NRXN1: variants seen among roughly 807,000 people sequenced by gnomAD.
NRXN1 encodes the protein neurexin 1, also known as neurexin-1.
A neutral mutation model predicts 150.9 loss-of-function variants in NRXN1; 39 were observed. That is an observed-to-expected ratio of 0.26 (90% CI 0.20 to 0.34). The LOEUF is 0.34. Among genes scored for constraint, NRXN1 ranks in the 10% least tolerant of loss-of-function variants. NRXN1 has a pLI of 1.00. For synonymous variants in NRXN1, 924 were observed against 757.0 expected, an observed-to-expected ratio of 1.22 and a Z score of -3.62; for missense variants, 1,815 against 1,949.9, an observed-to-expected ratio of 0.93 and a Z score of 1.30.
intron 5 of NRXN1, among the ~76,000 whole-genome samples, chr2:50,664,133 A>G (rs1420509971): frequency 6.6e-6 from 1 of 152,006 alleles, no homozygotes; most frequent in African/African-American, 2.4e-5. Flanking sequence ...AATTAAACAA[A>G]CCAATTATTT....
At chr2:50,798,067 CAGG>C (rs1202751850) in intron 5 of NRXN1, among the ~76,000 whole-genome samples, 1 of 151,900 alleles carries the variant, frequency 6.6e-6, no homozygotes, top group African/African-American at 2.4e-5. Context: ...GAATATTTAC[CAGG>C]AGAAGGAAAG....
At chr2:50,044,376 C>A (rs904028734) in intron 21 of NRXN1, among the ~76,000 whole-genome samples, 3 of 152,166 alleles carry the variant, frequency 2.0e-5, no homozygotes, top group Non-Finnish European at 4.4e-5. Context: ...TCTATTAAAT[C>A]TACAGACTTG....
chr2:50,080,159 C>G (rs1348712212), intron 19 of NRXN1, among the ~76,000 whole-genome samples: 1 of 151,974 alleles, frequency 6.6e-6, no homozygotes, highest in Admixed American at 6.6e-5. Flanking sequence ...ATCAAATCAA[C>G]AGATCACAAG....
chr2:50,189,297 A>G (rs777059910), intron 18 of NRXN1, among the ~76,000 whole-genome samples: 1 of 152,088 alleles, frequency 6.6e-6, no homozygotes, highest in Non-Finnish European at 1.5e-5. Context: ...GTTCTCACTC[A>G]TAAGTGGGAG....
chr2:49,947,915 C>T (rs574094990), intron 21 of NRXN1, among the ~76,000 whole-genome samples: 2 of 151,956 alleles, frequency 1.3e-5, no homozygotes, highest in East Asian at 1.9e-4. Flanking sequence ...CAACTTTTTT[C>T]AATATTTCAT....
At chr2:50,577,777 TA>T (rs560692084) in intron 8 of NRXN1, among the ~76,000 whole-genome samples, 1 of 141,120 alleles carries the variant, frequency 7.1e-6, no homozygotes, top group South Asian at 2.3e-4. Flanking sequence ...ATAACTAAAT[TA>T]AAGTCATAGC....
chr2:50,246,827 A>G (rs2066545607), intron 17 of NRXN1, among the ~76,000 whole-genome samples: 1 of 152,082 alleles, frequency 6.6e-6, no homozygotes, highest in Non-Finnish European at 1.5e-5. Context: ...TTTTTGAACT[A>G]TTATAATATA....
chr2:50,381,623 A>G (rs1180883197), intron 17 of NRXN1, among the ~76,000 whole-genome samples: 1 of 151,376 alleles, frequency 6.6e-6, no homozygotes, highest in Non-Finnish European at 1.5e-5. Context: ...AATGGCATCC[A>G]AGAGAGTAAT....
chr2:50,865,580 ATGTGTG>A (rs112867077), intron 5 of NRXN1, among the ~76,000 whole-genome samples: 1,486 of 130,750 alleles, frequency 0.011, 11 homozygotes, highest in Non-Finnish European at 0.018. Flanking sequence ...AAATATATAA[ATGTGTG>A]TGTGTGTGTG....
intron 5 of NRXN1, among the ~76,000 whole-genome samples, chr2:50,732,861 C>G (rs1027203222): frequency 1.3e-5 from 2 of 152,138 alleles, no homozygotes; most frequent in African/African-American, 2.4e-5. Context: ...GGCAGTGAAG[C>G]TGAATGTACA....
At chr2:50,337,377 A>C (rs572371576) in intron 17 of NRXN1, among the ~76,000 whole-genome samples, 1 of 151,912 alleles carries the variant, frequency 6.6e-6, no homozygotes, top group African/African-American at 2.4e-5. Flanking sequence ...GAGCCACCGC[A>C]CCTGGCCAAA....
chr2:50,015,040 A>T (rs1194083876), intron 21 of NRXN1, among the ~76,000 whole-genome samples: 1 of 152,128 alleles, frequency 6.6e-6, no homozygotes, highest in South Asian at 2.1e-4. Context: ...ATTTTGTTGT[A>T]TCTAACCTTA....
Position 50,347,780 on chromosome 2 carries a change from T to C in NRXN1, c.3365-110810A>G. 1 of 986,766 alleles carries C rather than the reference T, an allele frequency of 1.0e-6. No homozygotes were observed. Among genetic ancestry groups the C allele is most frequent in the Non-Finnish European group, 1.2e-6 (1 of 830,954 alleles). 61.1% of individuals were successfully genotyped at this position (986,766 alleles called of 1,614,324 possible). On this transcript the variant is annotated intron_variant, in intron 17 of 22. Coordinates refer to ENST00000401669, the MANE Select transcript of NRXN1 (RefSeq NM_001330078.2). The surrounding 1 kb of genome is among the most constrained non-coding windows in gnomAD (Gnocchi z 4.9). ...AGAAAAGAAAAACCACACACGCTGG[T>C]GAAGCAAGGGGCTCTATGCAAATCT...
intron 21 of NRXN1, among the ~76,000 whole-genome samples, chr2:49,961,320 GCACA>G (rs71401054): frequency 1.1e-3 from 155 of 145,804 alleles, no homozygotes; most frequent in African/African-American, 2.3e-3. Context: ...GCGCACGCAT[GCACA>G]CACACACACA....
chr2:50,898,595 C>G lies in NRXN1; in HGVS notation c.832+23274G>C, dbSNP rs569785233. On this transcript the variant is annotated intron_variant, in intron 5 of 22. Coordinates refer to ENST00000401669, the MANE Select transcript of NRXN1 (RefSeq NM_001330078.2). ...GGGATATTGTGCTCTTCCTAGGATT[C>G]AACTTTGCTGTAATATTCTATGAGG... The G allele has an allele frequency of 1.4e-4, 68 of 489,604 alleles. 1 individual carries two copies. The highest frequency in any genetic ancestry group is 1.0e-3 in the South Asian group (68 of 66,672). 30.3% of individuals were successfully genotyped at this position (489,604 alleles called of 1,614,324 possible).
At chr2:50,079,231 C>T (rs541594737) in intron 19 of NRXN1, among the ~76,000 whole-genome samples, 21 of 151,980 alleles carry the variant, frequency 1.4e-4, no homozygotes, top group Middle Eastern at 3.4e-3. Flanking sequence ...GAAGTTTTTT[C>T]GGATTAGCTC....
intron 15 of NRXN1, among the ~76,000 whole-genome samples, chr2:50,478,498 TAA>T (rs143802420): frequency 0.024 from 3,679 of 152,314 alleles, 150 homozygotes; most frequent in African/African-American, 0.084. Flanking sequence ...CTCCATTTTT[TAA>T]AAGATTAATT....
intron 5 of NRXN1, 78 bp downstream of exon 5, chr2:50,921,791 G>T: frequency 3.1e-6 from 2 of 640,218 alleles, no homozygotes; most frequent in Non-Finnish European, 4.9e-6. Flanking sequence ...ATGCCAAAAG[G>T]TCTAAATACA....
At chr2:50,840,791 T>C (rs949293809) in intron 5 of NRXN1, among the ~76,000 whole-genome samples, 4 of 152,148 alleles carry the variant, frequency 2.6e-5, no homozygotes, top group Admixed American at 2.6e-4. Context: ...GAGTAAATCT[T>C]AAGAGAGGAC....
Sources: gnomAD v4.1 joint callset for allele counts (sites outside exome capture counted in the v4.1 genomes callset) on GRCh38, gnomAD v4.1.1 for gene constraint, Gnocchi (gnomAD v3.1) non-coding constraint, MANE v1.5 for transcripts, NCBI Gene and HGNC (gene_info 2026-07-23, HGNC 2026-07-21) for gene names.